Variants in KLHL12 observed in about 807,000 individuals in gnomAD.
KLHL12 encodes the protein kelch-like protein 12.
KLHL12 carries 17 observed loss-of-function variants against 60.8 expected under a neutral mutation model. The observed-to-expected ratio is 0.28, with a 90% CI of 0.19 to 0.42. The LOEUF (loss-of-function observed/expected upper bound fraction) is 0.42, where lower values mean the gene tolerates loss of function less well. Ranked by LOEUF, KLHL12 falls within the 10% of genes least tolerant of loss-of-function variation. The pLI is 1.00. For synonymous variants in KLHL12, 220 were observed against 250.9 expected (o/e 0.88, Z 1.16); for missense variants, 468 against 722.3 (o/e 0.65, Z 4.04).
At chr1:202,900,318 C>G (rs1294511786) in intron 6 of KLHL12, among the ~76,000 whole-genome samples, 1 of 146,054 alleles carries the variant, frequency 6.8e-6, no homozygotes, top group Non-Finnish European at 1.5e-5. Context: ...CCAAAGTGGG[C>G]AGATTCCTTG....
At chr1:202,913,727 A>T (rs1660434441) in intron 4 of KLHL12, among the ~76,000 whole-genome samples, 1 of 152,210 alleles carries the variant, frequency 6.6e-6, no homozygotes, top group African/African-American at 2.4e-5. Flanking sequence ...AATCTGATGG[A>T]TGAGTAGCAG....
chr1:202,914,063 A>G (rs1366988470), intron 4 of KLHL12, among the ~76,000 whole-genome samples: 1 of 152,218 alleles, frequency 6.6e-6, no homozygotes, highest in African/African-American at 2.4e-5. Context: ...AGAGTGAATG[A>G]GGGTGATAGA....
chr1:202,918,238 T>C lies in KLHL12; in HGVS notation c.500A>G (p.Gln167Arg). The C allele has an allele frequency of 6.2e-7, 1 of 1,614,186 alleles. No individual in the cohort carries two copies. The change falls in exon 4 of 12, where the codon CAG (glutamine) becomes CGG (arginine). Residue 167 changes from glutamine to arginine, a missense_variant. By Grantham distance (43) the Gln-to-Arg change is conservative. Transcript: ENST00000367261. ...FSQKHFPEVV[Q>R]HEEFILLSQG... ...ACTCAGAAGAATGAACTCTTCATGC[T>C]GTACCACTTCAGGAAAATGCTTCTG...
intron 4 of KLHL12, chr1:202,915,128 G>A (rs1660486074): frequency 6.6e-6 from 1 of 152,180 alleles, no homozygotes; most frequent in South Asian, 2.1e-4. Flanking sequence ...ATTCTCTTGA[G>A]TATTAGGTAC....
At chr1:202,919,694 T>A (rs953692070) in intron 3 of KLHL12, 61 bp downstream of exon 3, 1 of 1,485,982 alleles carries the variant, frequency 6.7e-7, no homozygotes, top group East Asian at 2.3e-5. Context: ...TTTACACTAT[T>A]AATTTTCAAC....
Position 202,894,193 on chromosome 1 carries a change from T to C in KLHL12, c.1384A>G (p.Lys462Glu). ...TCAGATCTGGTCTTACCAGAACGCT[T>C]GGTGGCCATTGGTGTAACATTAGTC... ...HWTNVTPMAT[K>E]RSGAGVALLN... Residue 462 changes from lysine (K) to glutamate (E), a missense_variant, in exon 10 of 12, where the codon AAG (lysine) becomes GAG (glutamate). Coordinates refer to ENST00000367261, the MANE Select transcript of KLHL12 (RefSeq NM_021633.4). The C allele has an allele frequency of 6.5e-7, 1 of 1,548,762 alleles. No homozygotes were observed. The highest frequency in any genetic ancestry group is 8.8e-7 in the Non-Finnish European group (1 of 1,142,834).
At chr1:202,913,030 A>G (rs1378265258) in intron 4 of KLHL12, among the ~76,000 whole-genome samples, 8 of 151,442 alleles carry the variant, frequency 5.3e-5, no homozygotes, top group African/African-American at 1.7e-4. Context: ...TGCTAAATGT[A>G]ATAGTCTGAT....
At chr1:202,906,607 T>A (rs770407297) in intron 6 of KLHL12, among the ~76,000 whole-genome samples, 1 of 152,200 alleles carries the variant, frequency 6.6e-6, no homozygotes, top group South Asian at 2.1e-4. Flanking sequence ...ATGAGTCAAC[T>A]GTACATGTAA....
At chr1:202,915,228 A>G (rs573852937) in intron 4 of KLHL12, among the ~76,000 whole-genome samples, 2 of 152,336 alleles carry the variant, frequency 1.3e-5, no homozygotes, top group African/African-American at 4.8e-5. Context: ...ATTAGTGGTT[A>G]GGTAACACAT....
intron 2 of KLHL12, among the ~76,000 whole-genome samples, chr1:202,921,846 T>C (rs1660704860): frequency 1.3e-5 from 2 of 152,242 alleles, no homozygotes; most frequent in African/African-American, 4.8e-5. Flanking sequence ...TAACGTTTTT[T>C]ATTTCTCCAT....
At chr1:202,899,682 C>T (rs151227476) in intron 6 of KLHL12, among the ~76,000 whole-genome samples, 118 of 152,000 alleles carry the variant, frequency 7.8e-4, no homozygotes, top group African/African-American at 2.5e-3. Context: ...AAAAATTAGC[C>T]GGGTGCAGTG....
chr1:202,903,301 G>A (rs1039066445), intron 6 of KLHL12, among the ~76,000 whole-genome samples: 2 of 149,684 alleles, frequency 1.3e-5, no homozygotes, highest in African/African-American at 4.9e-5. Flanking sequence ...TTAAATCTCT[G>A]ACACTCTGGT....
chr1:202,900,918 AT>A (rs11366890), intron 6 of KLHL12, among the ~76,000 whole-genome samples: 119,244 of 151,868 alleles, frequency 0.79, 47,918 homozygotes, highest in East Asian at 0.9. Flanking sequence ...GGTGGTGTGC[AT>A]TTTGTAGTCC....
At chr1:202,901,234 G>A (rs892267700) in intron 6 of KLHL12, among the ~76,000 whole-genome samples, 3 of 152,114 alleles carry the variant, frequency 2.0e-5, no homozygotes, top group African/African-American at 7.2e-5. Context: ...GTGGAACTTC[G>A]TAAGAGGTGT....
chr1:202,922,436 A>G (rs1466053883), intron 2 of KLHL12, among the ~76,000 whole-genome samples: 1 of 147,376 alleles, frequency 6.8e-6, no homozygotes, highest in African/African-American at 2.5e-5. Context: ...GCGTCAAGGA[A>G]AAAAAAAAAA....
intron 1 of KLHL12, among the ~76,000 whole-genome samples, chr1:202,926,199 T>G (rs1475432061): frequency 6.6e-6 from 1 of 152,110 alleles, no homozygotes; most frequent in Non-Finnish European, 1.5e-5. Flanking sequence ...TTACACTTGC[T>G]TAAGATATTG....
intron 10 of KLHL12, 122 bp downstream of exon 10, chr1:202,894,062 G>C (rs1659755300): frequency 1.7e-6 from 1 of 594,166 alleles, no homozygotes; most frequent in African/African-American, 1.9e-5. Context: ...AGAAAACAGA[G>C]ACAAGGAGGA....
chr1:202,897,016 T>C, intron 6 of KLHL12, 56 bp from the exon 7 acceptor site: 1 of 1,280,314 alleles, frequency 7.8e-7, no homozygotes, highest in Non-Finnish European at 1.1e-6. Flanking sequence ...GATGGGTAAC[T>C]AGTCACAGGG....
At chr1:202,903,113 T>C (rs1660062693) in intron 6 of KLHL12, among the ~76,000 whole-genome samples, 1 of 126,122 alleles carries the variant, frequency 7.9e-6, no homozygotes, top group African/African-American at 3.1e-5. Context: ...TGAACCAAGA[T>C]CATGCCACTG....
Sources: allele counts gnomAD v4.1 joint callset (sites outside exome capture counted in the v4.1 genomes callset), GRCh38; gene constraint gnomAD v4.1.1; transcripts MANE v1.5; gene names NCBI Gene and HGNC (gene_info 2026-07-23, HGNC 2026-07-21).